The following SNX29 variants were observed in gnomAD, a reference collection of about 807,000 sequenced individuals.
SNX29 encodes sorting nexin 29, also known as sorting nexin-29.
Under a neutral mutation model 102.1 loss-of-function variants are expected in SNX29, and 78 were observed. That is an observed-to-expected ratio of 0.76 (90% CI 0.64 to 0.92). The LOEUF (loss-of-function observed/expected upper bound fraction) is 0.92. Among genes scored for constraint, SNX29 ranks in the 40% least tolerant of loss-of-function variants. SNX29 has a pLI of 0.00. For synonymous variants in SNX29, 580 were observed against 414.5 expected, an observed-to-expected ratio of 1.40 and a Z score of -4.85; for missense variants, 1,280 against 1,061.7, an observed-to-expected ratio of 1.21 and a Z score of -2.86.
intron 14 of SNX29, among the ~76,000 whole-genome samples, chr16:12,255,321 G>A (rs1237296002): frequency 2.6e-5 from 4 of 151,942 alleles, no homozygotes; most frequent in African/African-American, 7.3e-5. Flanking sequence ...TCAGCCTCCC[G>A]AGTAGCTGGG....
At chr16:12,365,254 C>G (rs963900020) in intron 16 of SNX29, among the ~76,000 whole-genome samples, 2 of 152,048 alleles carry the variant, frequency 1.3e-5, no homozygotes, top group African/African-American at 4.8e-5. Context: ...AGCTCTTAAA[C>G]ATGCCCATTC....
At chr16:12,206,194 A>G (rs182278046) in intron 14 of SNX29, among the ~76,000 whole-genome samples, 2 of 152,322 alleles carry the variant, frequency 1.3e-5, no homozygotes, top group Admixed American at 1.3e-4. Flanking sequence ...GACAGGAGTC[A>G]TACAATCTGA....
intron 10 of SNX29, among the ~76,000 whole-genome samples, chr16:12,071,523 A>G (rs371828856): frequency 2.0e-5 from 3 of 152,028 alleles, no homozygotes; most frequent in African/African-American, 7.2e-5. Flanking sequence ...TGTTCCATTG[A>G]TCTATATTTC....
intron 16 of SNX29, among the ~76,000 whole-genome samples, chr16:12,378,550 G>A (rs1043861925): frequency 1.2e-4 from 18 of 152,214 alleles, no homozygotes; most frequent in African/African-American, 4.1e-4. Flanking sequence ...TCAAGAGGGT[G>A]AGTCAGGAGA....
chr16:12,425,798 T>C (rs1359041143), intron 18 of SNX29, among the ~76,000 whole-genome samples: 2 of 152,064 alleles, frequency 1.3e-5, no homozygotes, highest in African/African-American at 2.4e-5. Context: ...TCTCCTATTG[T>C]GAGCATCTTG....
intron 13 of SNX29, among the ~76,000 whole-genome samples, chr16:12,148,205 A>G (rs563588487): frequency 2.0e-5 from 3 of 152,364 alleles, no homozygotes; most frequent in South Asian, 2.1e-4. Context: ...GAGCTGAGCC[A>G]CACAGGTTAA....
At chr16:11,986,590 C>T (rs1230465857) in intron 1 of SNX29, among the ~76,000 whole-genome samples, 1 of 152,164 alleles carries the variant, frequency 6.6e-6, no homozygotes, top group Non-Finnish European at 1.5e-5. Context: ...CACTTATCCA[C>T]GTTCCTTCTC....
Position 12,009,461 on chromosome 16 carries a change from G to A in SNX29, c.122+6418G>A, listed in dbSNP as rs1204259346. On this transcript the variant is annotated intron_variant, in intron 3 of 20. Transcript: ENST00000566228. ...TTTTTATATGTGTGTGTGTATATAT[G>A]TGTGTGTGTGTGTGTGTGTATATAT... Among the ~76,000 whole-genome samples, 15 of 133,104 alleles carry A rather than the reference G, an allele frequency of 1.1e-4. No individual in the cohort carries two copies. The South Asian group carries it at 1.8e-3, about 16-fold the overall frequency. 87.3% of individuals were successfully genotyped at this position (133,104 alleles called of 152,430 possible). A position where few individuals can be genotyped will look rare whatever the true frequency, so the allele number is the denominator to read the frequency against.
intron 20 of SNX29, chr16:12,527,441 C>G (rs1271653925): frequency 4.6e-6 from 2 of 432,164 alleles, no homozygotes; most frequent in Non-Finnish European, 8.8e-6. Flanking sequence ...CAGATTTTCT[C>G]CTTGGTTCTT....
intron 18 of SNX29, among the ~76,000 whole-genome samples, chr16:12,409,029 G>A (rs1415033499): frequency 6.6e-6 from 1 of 152,196 alleles, no homozygotes; most frequent in Non-Finnish European, 1.5e-5. Context: ...GAGCTGAGGT[G>A]TGTTATGCCA....
intron 11 of SNX29, among the ~76,000 whole-genome samples, chr16:12,099,263 C>G (rs1045481750): frequency 5.3e-5 from 8 of 152,216 alleles, no homozygotes; most frequent in African/African-American, 1.7e-4. Flanking sequence ...AGGTGGTCAG[C>G]TCAGCACTAA....
intron 11 of SNX29, among the ~76,000 whole-genome samples, chr16:12,079,347 G>A (rs2051747726): frequency 1.3e-5 from 2 of 152,284 alleles, no homozygotes; most frequent in Admixed American, 1.3e-4. Context: ...CCTAGAAAAA[G>A]TATTAGAGAT....
chr16:12,320,136 G>C (rs2080883703), intron 15 of SNX29, among the ~76,000 whole-genome samples: 2 of 152,154 alleles, frequency 1.3e-5, no homozygotes, highest in Non-Finnish European at 1.5e-5. Flanking sequence ...ACTGTGCTAA[G>C]ACATAGTACG....
intron 9 of SNX29, among the ~76,000 whole-genome samples, chr16:12,064,169 C>G (rs1236100614): frequency 2.0e-5 from 3 of 152,126 alleles, no homozygotes; most frequent in Non-Finnish European, 1.5e-5. Flanking sequence ...TTTGGCAGCT[C>G]CTTTGCCGCT....
At chr16:12,324,885 T>C (rs544673) in intron 15 of SNX29, among the ~76,000 whole-genome samples, 61,045 of 151,934 alleles carry the variant, frequency 0.4, 14,116 homozygotes, top group Non-Finnish European at 0.54. Context: ...TAATGAAAGA[T>C]ACCCAGGGAA....
At chr16:12,442,312 G>C (rs1420985800) in intron 18 of SNX29, among the ~76,000 whole-genome samples, 1 of 152,132 alleles carries the variant, frequency 6.6e-6, no homozygotes, top group African/African-American at 2.4e-5. Flanking sequence ...ACTCAGTCTT[G>C]ATTACTCTGG....
At chr16:12,212,382 T>C (rs543770385) in intron 14 of SNX29, among the ~76,000 whole-genome samples, 1 of 151,946 alleles carries the variant, frequency 6.6e-6, no homozygotes, top group South Asian at 2.1e-4. Flanking sequence ...ACCTGCTCTT[T>C]GTCCTTGAAG....
intron 1 of SNX29, among the ~76,000 whole-genome samples, chr16:11,991,206 T>G (rs552220347): frequency 5.9e-4 from 90 of 152,378 alleles, no homozygotes; most frequent in African/African-American, 2.1e-3. Flanking sequence ...ATGAATCACA[T>G]AACATCATTG....
intron 16 of SNX29, among the ~76,000 whole-genome samples, chr16:12,363,518 C>G (rs1597081381): frequency 6.6e-6 from 1 of 152,148 alleles, no homozygotes. Flanking sequence ...GACCATAGTG[C>G]GAGGTTCTGT....
Sources: allele counts gnomAD v4.1 joint callset (sites outside exome capture counted in the v4.1 genomes callset), GRCh38; gene constraint gnomAD v4.1.1; transcripts MANE v1.5; gene names NCBI Gene and HGNC (gene_info 2026-07-23, HGNC 2026-07-21).